HDAC9: variants seen among roughly 807,000 people sequenced by gnomAD.
The protein encoded by HDAC9 is histone deacetylase 9, also known as MEF-2 interacting transcription repressor (MITR) protein.
HDAC9 carries 41 observed loss-of-function variants against 139.4 expected under a neutral mutation model. The ratio of observed to expected loss-of-function variants is 0.29; its 90% CI spans 0.23 to 0.38. HDAC9 has a LOEUF of 0.38. Ranked by LOEUF, HDAC9 falls within the 10% of genes least tolerant of loss-of-function variation. The pLI, the probability that HDAC9 is intolerant of heterozygous loss-of-function variation, is 1.00. For missense variants in HDAC9, 1,147 were observed against 1,297.0 expected (o/e 0.88, Z 1.78); for synonymous variants, 517 against 476.2 (o/e 1.09, Z -1.12).
chr7:18,608,902 G>C (rs1836292851), intron 6 of HDAC9, among the ~76,000 whole-genome samples: 1 of 152,170 alleles, frequency 6.6e-6, no homozygotes, highest in South Asian at 2.1e-4. Context: ...CGTACTTCTT[G>C]AGGAACTACT....
intron 1 of HDAC9, among the ~76,000 whole-genome samples, chr7:18,480,471 G>A (rs545943227): frequency 6.6e-6 from 1 of 152,272 alleles, no homozygotes; most frequent in African/African-American, 2.4e-5. Flanking sequence ...TAACTTTGGG[G>A]CCATAGAGCA....
intron 24 of HDAC9, among the ~76,000 whole-genome samples, chr7:18,955,050 C>G (rs927409715): frequency 2.0e-5 from 3 of 152,128 alleles, no homozygotes; most frequent in Admixed American, 6.6e-5. Context: ...TCCACTTCAT[C>G]TCACTCATGC....
chr7:18,531,304 A>G (rs1216704834), intron 2 of HDAC9, among the ~76,000 whole-genome samples: 1 of 152,146 alleles, frequency 6.6e-6, no homozygotes, highest in Non-Finnish European at 1.5e-5. Flanking sequence ...AGCAAACTGT[A>G]AGCATCATAT....
At chr7:18,388,986 A>C (rs577581489) in intron 1 of HDAC9, among the ~76,000 whole-genome samples, 1 of 152,328 alleles carries the variant, frequency 6.6e-6, no homozygotes, top group African/African-American at 2.4e-5. Context: ...AGTGGCAAAA[A>C]TCAACAATAT....
At chr7:18,447,505 A>G (rs1206139599) in intron 1 of HDAC9, among the ~76,000 whole-genome samples, 1 of 152,212 alleles carries the variant, frequency 6.6e-6, no homozygotes, top group Non-Finnish European at 1.5e-5. Context: ...GAGGAAAAAC[A>G]GAAATGCAGC....
At chr7:18,503,329 A>G (rs1798897941) in intron 2 of HDAC9, among the ~76,000 whole-genome samples, 1 of 152,148 alleles carries the variant, frequency 6.6e-6, no homozygotes, top group Non-Finnish European at 1.5e-5. Context: ...AAGAAAGAGG[A>G]AATGCCTGGT....
chr7:18,414,117 C>T (rs532676732), intron 1 of HDAC9, among the ~76,000 whole-genome samples: 1 of 152,098 alleles, frequency 6.6e-6, no homozygotes, highest in South Asian at 2.1e-4. Flanking sequence ...TATTAAAGTA[C>T]TTAGACATTT....
chr7:18,398,970 A>G, intron 1 of HDAC9, among the ~76,000 whole-genome samples: 1 of 152,256 alleles, frequency 6.6e-6, no homozygotes. Context: ...TACCATAAAT[A>G]CCTAACATAT....
chr7:18,482,607 T>C (rs1475285765), intron 1 of HDAC9, among the ~76,000 whole-genome samples: 1 of 152,048 alleles, frequency 6.6e-6, no homozygotes, highest in Non-Finnish European at 1.5e-5. Context: ...GATTAAAACA[T>C]AAATTAAGAA....
At chr7:18,154,667 A>G (rs1439162268) in intron 1 of HDAC9, among the ~76,000 whole-genome samples, 1 of 152,238 alleles carries the variant, frequency 6.6e-6, no homozygotes, top group African/African-American at 2.4e-5. Context: ...ACTTTGCTCA[A>G]CGTGGGGATT....
At chr7:18,651,595 G>A (rs1044703187) in intron 11 of HDAC9, among the ~76,000 whole-genome samples, 13 of 151,748 alleles carry the variant, frequency 8.6e-5, no homozygotes, top group Non-Finnish European at 1.8e-4. Context: ...TAGGGGCATG[G>A]GTGATGCAAG....
chr7:18,745,118 A>G (rs1787820088), intron 13 of HDAC9, among the ~76,000 whole-genome samples: 1 of 152,164 alleles, frequency 6.6e-6, no homozygotes, highest in African/African-American at 2.4e-5. Flanking sequence ...GAGCAGGCTT[A>G]TTTCTCACCC....
intron 24 of HDAC9, among the ~76,000 whole-genome samples, chr7:18,966,736 G>C (rs1783881294): frequency 6.6e-6 from 1 of 151,880 alleles, no homozygotes; most frequent in South Asian, 2.1e-4. Flanking sequence ...GATAGAGTTA[G>C]GGGAAAATTT....
intron 1 of HDAC9, among the ~76,000 whole-genome samples, chr7:18,339,162 A>G (rs1465593840): frequency 6.6e-6 from 1 of 151,038 alleles, no homozygotes; most frequent in Non-Finnish European, 1.5e-5. Context: ...TTTCTCCATG[A>G]TCAGTCAGGC....
chr7:18,670,099 A>C (rs1390525801), intron 12 of HDAC9, among the ~76,000 whole-genome samples: 1 of 151,896 alleles, frequency 6.6e-6, no homozygotes, highest in East Asian at 1.9e-4. Flanking sequence ...TGAAGTGTAC[A>C]ATTTTGAATC....
At chr7:18,344,451 G>C (rs1490908441) in intron 1 of HDAC9, among the ~76,000 whole-genome samples, 2 of 151,912 alleles carry the variant, frequency 1.3e-5, no homozygotes, top group African/African-American at 4.8e-5. Flanking sequence ...AATATTGTCT[G>C]ATTTCACATA....
rs1420242418 is a variant in HDAC9 at position 18,996,928 on chromosome 7, T to C, written c.*866T>C. 6.6e-6 allele frequency: 1 copy of C among 152,180 alleles called. No individual in the cohort carries two copies. The highest frequency in any genetic ancestry group is 1.5e-5 in the Non-Finnish European group (1 of 68,038). The allele number at this position is 152,180 out of a possible 1,614,324, so 9.4% of individuals were successfully genotyped here. A position where few individuals can be genotyped will look rare whatever the true frequency, so the allele number is the denominator to read the frequency against. On this transcript the variant is annotated 3_prime_UTR_variant, in exon 26 of 26. Coordinates refer to ENST00000686413, the MANE Select transcript of HDAC9 (RefSeq NM_178425.4). ...ATTTTCAGTGTCTTTGAAAAGCACG[T>C]AACTTTTCAAAGGTGGTCTTAATTT...
chr7:18,784,774 T>A (rs891425601), intron 16 of HDAC9, among the ~76,000 whole-genome samples: 2 of 151,998 alleles, frequency 1.3e-5, no homozygotes, highest in African/African-American at 4.8e-5. Context: ...GAAGGGTGGG[T>A]TACTCAGAAT....
At chr7:18,879,227 G>A (rs531305906) in intron 22 of HDAC9, among the ~76,000 whole-genome samples, 49 of 151,992 alleles carry the variant, frequency 3.2e-4, no homozygotes, top group African/African-American at 9.4e-4. Context: ...TAAAATGGCC[G>A]CACTGCCCAA....
Sources: allele counts gnomAD v4.1 joint callset (sites outside exome capture counted in the v4.1 genomes callset), GRCh38; gene constraint gnomAD v4.1.1; transcripts MANE v1.5; gene names NCBI Gene and HGNC (gene_info 2026-07-23, HGNC 2026-07-21).